The following DOK6 variants were observed in gnomAD, a reference collection of about 807,000 sequenced individuals.
The protein encoded by DOK6 is docking protein 6, also known as downstream of tyrosine kinase 6.
Under a neutral mutation model 44.0 loss-of-function variants are expected in DOK6, and 22 were observed. The observed-to-expected ratio is 0.50, with a 90% CI of 0.36 to 0.71. DOK6 has a LOEUF of 0.71. DOK6 is among the 30% of genes least tolerant of loss of function. DOK6 has a pLI of 0.00. For synonymous variants in DOK6, 166 were observed against 145.5 expected (o/e 1.14, Z -1.01); for missense variants, 340 against 416.4 (o/e 0.82, Z 1.60).
intron 7 of DOK6, among the ~76,000 whole-genome samples, chr18:69,763,006 C>T (rs1979611257): frequency 1.3e-5 from 2 of 152,022 alleles, no homozygotes; most frequent in Non-Finnish European, 2.9e-5. Flanking sequence ...TCCTGTGCTC[C>T]CCTCCTCAAT....
chr18:69,506,296 A>G (rs1981184391), intron 1 of DOK6, among the ~76,000 whole-genome samples: 1 of 152,138 alleles, frequency 6.6e-6, no homozygotes, highest in Non-Finnish European at 1.5e-5. Context: ...TTTTAATGTA[A>G]AATTTTGTAA....
chr18:69,709,846 G>C (rs1986718419), intron 5 of DOK6, among the ~76,000 whole-genome samples: 1 of 152,044 alleles, frequency 6.6e-6, no homozygotes, highest in Admixed American at 6.5e-5. Context: ...TTCACCATCT[G>C]ATTATAACTT....
chr18:69,689,147 A>G (rs1191903710), intron 4 of DOK6, among the ~76,000 whole-genome samples: 1 of 152,180 alleles, frequency 6.6e-6, no homozygotes, highest in African/African-American at 2.4e-5. Flanking sequence ...GAATAAGCAA[A>G]ACTAACCTAA....
chr18:69,592,986 T>TA (rs577948452), intron 2 of DOK6, among the ~76,000 whole-genome samples: 172 of 152,228 alleles, frequency 1.1e-3, no homozygotes, highest in Non-Finnish European at 2.1e-3. Flanking sequence ...GTATTGACAG[T>TA]AAAAAAAGAA....
At chr18:69,699,459 A>T (rs1164890834) in intron 5 of DOK6, among the ~76,000 whole-genome samples, 1 of 152,162 alleles carries the variant, frequency 6.6e-6, no homozygotes, top group Non-Finnish European at 1.5e-5. Flanking sequence ...CATGTCTCTT[A>T]AAATTTTAAG....
At chr18:69,712,845 TCAA>T (rs1192695959) in intron 5 of DOK6, among the ~76,000 whole-genome samples, 1 of 152,168 alleles carries the variant, frequency 6.6e-6, no homozygotes, top group African/African-American at 2.4e-5. Flanking sequence ...AGACTCTGTT[TCAA>T]CAACAACAAA....
intron 1 of DOK6, among the ~76,000 whole-genome samples, chr18:69,449,156 T>C (rs1331262856): frequency 6.6e-6 from 1 of 152,242 alleles, no homozygotes; most frequent in African/African-American, 2.4e-5. Flanking sequence ...TTTTTGTTAT[T>C]CTTGTATATT....
At chr18:69,739,575 C>T (rs991422214) in intron 6 of DOK6, among the ~76,000 whole-genome samples, 5 of 152,160 alleles carry the variant, frequency 3.3e-5, no homozygotes, top group Admixed American at 2.0e-4. Flanking sequence ...GGAGGTTATG[C>T]TGGTTGACAA....
Position 69,469,662 on chromosome 18 carries a change from T to G in DOK6, c.66+68352T>G, listed in dbSNP as rs1980034219. On this transcript the variant is annotated intron_variant, in intron 1 of 7. Coordinates refer to ENST00000382713, the MANE Select transcript of DOK6 (RefSeq NM_152721.6). ...TCCTGCCGGCTGCCTCACCAGAGCC[T>G]GGGCACTGCCGCCCCGGAGATACGC... 4 of 244,752 alleles carry G rather than the reference T, an allele frequency of 1.6e-5. No individual in the cohort carries two copies. The South Asian group carries it at 1.7e-4, about 10-fold the overall frequency. The allele number at this position is 244,752 out of a possible 1,614,324, so 15.2% of individuals were successfully genotyped here. A position where few individuals can be genotyped will look rare whatever the true frequency, so the allele number is the denominator to read the frequency against.
chr18:69,830,744 A>C (rs1004962727), intron 7 of DOK6, among the ~76,000 whole-genome samples: 1 of 152,186 alleles, frequency 6.6e-6, no homozygotes, highest in Non-Finnish European at 1.5e-5. Flanking sequence ...TGAGTTGTGA[A>C]AATTGACATT....
At chr18:69,691,097 A>C (rs1000005556) in intron 4 of DOK6, among the ~76,000 whole-genome samples, 3 of 151,902 alleles carry the variant, frequency 2.0e-5, no homozygotes, top group Admixed American at 2.0e-4. Context: ...AGGGAGGAGA[A>C]TCACTGCCTC....
intron 2 of DOK6, among the ~76,000 whole-genome samples, chr18:69,588,237 T>G (rs1214192559): frequency 3.9e-5 from 6 of 152,220 alleles, no homozygotes; most frequent in Non-Finnish European, 7.3e-5. Context: ...GTTAGAAATT[T>G]TAGGGACTGT....
intron 1 of DOK6, among the ~76,000 whole-genome samples, chr18:69,563,942 A>G (rs1028076475): frequency 4.6e-5 from 7 of 152,194 alleles, no homozygotes; most frequent in Non-Finnish European, 8.8e-5. Context: ...AATTTATTGC[A>G]TGTATTTAAT....
chr18:69,522,665 T>C (rs990352382), intron 1 of DOK6, among the ~76,000 whole-genome samples: 4 of 152,120 alleles, frequency 2.6e-5, no homozygotes, highest in African/African-American at 7.2e-5. Flanking sequence ...ACCATCCTTC[T>C]ACATTCTGGA....
At chr18:69,519,040 A>C (rs113043409) in intron 1 of DOK6, among the ~76,000 whole-genome samples, 1 of 152,110 alleles carries the variant, frequency 6.6e-6, no homozygotes, top group Non-Finnish European at 1.5e-5. Flanking sequence ...GGAAATGAAG[A>C]AAATTACCAA....
chr18:69,461,628 C>G (rs1293459753), intron 1 of DOK6, among the ~76,000 whole-genome samples: 1 of 152,122 alleles, frequency 6.6e-6, no homozygotes, highest in Non-Finnish European at 1.5e-5. Context: ...TTATCTCACC[C>G]CACTTTTATT....
Position 69,517,487 on chromosome 18 carries a change from T to C in DOK6, c.67-47000T>C, listed in dbSNP as rs561035106. ...TATTTGAATGGCTGATTGAACTATA[T>C]AGAGCCATGGGAGTCTCTTCTATAA... On this transcript the variant is annotated intron_variant, in intron 1 of 7. Coordinates refer to ENST00000382713, the MANE Select transcript of DOK6 (RefSeq NM_152721.6). Among the ~76,000 whole-genome samples the C allele has an allele frequency of 2.4e-3, 362 of 152,318 alleles. 1 individual carries two copies. Among genetic ancestry groups the C allele is most frequent in the Non-Finnish European group, 4.2e-3 (289 of 68,032 alleles).
intron 1 of DOK6, among the ~76,000 whole-genome samples, chr18:69,542,574 A>G (rs17081193): frequency 0.018 from 2,750 of 151,720 alleles, 88 homozygotes; most frequent in African/African-American, 0.062. Context: ...AAGCTGGTAC[A>G]TTTTACACAG....
At chr18:69,503,232 C>T (rs186866943) in intron 1 of DOK6, among the ~76,000 whole-genome samples, 301 of 152,116 alleles carry the variant, frequency 2.0e-3, no homozygotes, top group African/African-American at 6.7e-3. Flanking sequence ...TAATATCAAA[C>T]CTTAAAGCAG....
Sources: gnomAD v4.1 joint callset for allele counts (sites outside exome capture counted in the v4.1 genomes callset) on GRCh38, gnomAD v4.1.1 for gene constraint, MANE v1.5 for transcripts, NCBI Gene and HGNC (gene_info 2026-07-23, HGNC 2026-07-21) for gene names.